Variants in CAPN11 observed in about 807,000 individuals in gnomAD.
CAPN11 encodes calpain 11, also known as calpain-11.
CAPN11 carries 108 observed loss-of-function variants against 105.3 expected under a neutral mutation model. That is an observed-to-expected ratio of 1.03 (90% confidence interval 0.88 to 1.20). The LOEUF is 1.20. Ranked by LOEUF, CAPN11 falls within the 50% of genes most tolerant of loss-of-function variation. The pLI is 0.00. For missense variants in CAPN11, 883 were observed against 924.8 expected, an observed-to-expected ratio of 0.95 and a Z score of 0.59; for synonymous variants, 329 against 344.5, an observed-to-expected ratio of 0.96 and a Z score of 0.50.
rs191073378 is a variant in CAPN11, at chr6:44,176,491, A to C, written c.1002-90A>C. 12,003 of 1,357,202 alleles carry C rather than the reference A, an allele frequency of 8.8e-3. 108 individuals are homozygous for C. The highest frequency in any genetic ancestry group is 0.029 in the Admixed American group (1,694 of 57,674). The allele number at this position is 1,357,202 out of a possible 1,614,324, so 84.1% of individuals were successfully genotyped here. ...CATCTAGCTCCGCACCCCAGCAGGC[A>C]GACATTCAGGGAAGAGGCAGTCCCC... On this transcript the variant is annotated intron_variant, in intron 9 of 22. Coordinates refer to ENST00000398776, the MANE Select transcript of CAPN11 (RefSeq NM_007058.4).
chr6:44,170,107 C>G, intron 4 of CAPN11, 132 bp downstream of exon 4: 2 of 690,990 alleles, frequency 2.9e-6, no homozygotes, highest in South Asian at 1.7e-5. Flanking sequence ...CTGTCCCTCC[C>G]CTTCTGAGGA....
chr6:44,181,837 C>CAG (rs1773585631), intron 19 of CAPN11, among the ~76,000 whole-genome samples: 1 of 65,242 alleles, frequency 1.5e-5, no homozygotes, highest in Admixed American at 1.5e-4. Flanking sequence ...CACACACACA[C>CAG]ACTCACATAC....
intron 19 of CAPN11, among the ~76,000 whole-genome samples, 173 bp downstream of exon 19, chr6:44,181,493 CA>C (rs1773271385): frequency 1.9e-5 from 1 of 51,958 alleles, no homozygotes; most frequent in Non-Finnish European, 3.9e-5. Context: ...AACCACACCA[CA>C]CACACACACA....
chr6:44,177,040 A>G (rs770367858), intron 11 of CAPN11, 42 bp downstream of exon 11: 3 of 1,595,884 alleles, frequency 1.9e-6, no homozygotes, highest in Non-Finnish European at 2.6e-6. Context: ...CAGGGAGTGA[A>G]GGATGGGCCA....
intron 2 of CAPN11, 67 bp from the exon 3 acceptor site, chr6:44,169,214 G>A: frequency 5.4e-6 from 8 of 1,482,698 alleles, no homozygotes; most frequent in Non-Finnish European, 6.3e-6. Flanking sequence ...GATTACAGGA[G>A]TGAACCACTG....
intron 1 of CAPN11, among the ~76,000 whole-genome samples, chr6:44,163,256 C>T (rs1769222671): frequency 6.6e-6 from 1 of 152,228 alleles, no homozygotes; most frequent in Admixed American, 6.5e-5. Context: ...CAGCCCAGGG[C>T]ATTAGCTCTG....
chr6:44,172,188 G>A (rs1362195561), intron 4 of CAPN11, 114 bp from the exon 5 acceptor site: 3 of 603,506 alleles, frequency 5.0e-6, no homozygotes, highest in Non-Finnish European at 8.5e-6. Flanking sequence ...CTCCGCCGGG[G>A]GGGTGAGAAT....
chr6:44,164,925 T>C (rs1769543852), intron 1 of CAPN11, among the ~76,000 whole-genome samples: 1 of 152,212 alleles, frequency 6.6e-6, no homozygotes, highest in African/African-American at 2.4e-5. Flanking sequence ...TCTTACTCTC[T>C]GCCACCCAGG....
intron 21 of CAPN11, 54 bp from the exon 22 acceptor site, chr6:44,183,651 T>G: frequency 6.4e-7 from 1 of 1,566,496 alleles, no homozygotes. Flanking sequence ...AGTGGTTCTT[T>G]CGGAACACTG....
At chr6:44,158,924 C>T in intron 1 of CAPN11, 60 bp downstream of exon 1, 2 of 1,419,152 alleles carry the variant, frequency 1.4e-6, no homozygotes, top group East Asian at 2.5e-5. Flanking sequence ...AGCCTCCCCC[C>T]AGGGGAGGAG....
intron 3 of CAPN11, 87 bp downstream of exon 3, chr6:44,169,618 A>AC (rs35219745): frequency 2.3e-6 from 3 of 1,296,502 alleles, no homozygotes; most frequent in Non-Finnish European, 3.1e-6. Flanking sequence ...TCAATCTTCA[A>AC]CCCCCCACTA....
chr6:44,180,219 C>A, intron 14 of CAPN11, 56 bp downstream of exon 14: 1 of 1,310,006 alleles, frequency 7.6e-7, no homozygotes, highest in Non-Finnish European at 1.1e-6. Context: ...TGCAGGATAT[C>A]AAGCTCAGGG....
chr6:44,166,085 G>A (rs1041168269), intron 1 of CAPN11, among the ~76,000 whole-genome samples: 2 of 152,098 alleles, frequency 1.3e-5, no homozygotes, highest in Non-Finnish European at 2.9e-5. Context: ...GGGACCAGGA[G>A]AACAGGGGTT....
chr6:44,173,897 TTCTA>T (rs1771486678), intron 7 of CAPN11, among the ~76,000 whole-genome samples: 1 of 152,196 alleles, frequency 6.6e-6, no homozygotes, highest in African/African-American at 2.4e-5. Flanking sequence ...CCTGTTTACT[TTCTA>T]TCTGGTTTTT....
intron 5 of CAPN11, 68 bp from the exon 6 acceptor site, chr6:44,172,872 G>A: frequency 6.4e-7 from 1 of 1,550,698 alleles, no homozygotes; most frequent in Non-Finnish European, 8.8e-7. Flanking sequence ...CGTGTCATCA[G>A]GTCTGGCCAC....
chr6:44,179,843 G>T, intron 13 of CAPN11, 109 bp from the exon 14 acceptor site: 4 of 944,566 alleles, frequency 4.2e-6, no homozygotes, highest in Non-Finnish European at 6.8e-6. Context: ...CAGGTCAGTT[G>T]GTGGTGGCAC....
intron 10 of CAPN11, 66 bp downstream of exon 10, chr6:44,176,721 C>T (rs1254612604): frequency 1.7e-5 from 26 of 1,561,648 alleles, no homozygotes; most frequent in South Asian, 1.1e-4. Context: ...CTCCCTGCTC[C>T]GCTCCTCTCT....
intron 1 of CAPN11, among the ~76,000 whole-genome samples, chr6:44,160,830 A>G (rs1049756403): frequency 1.3e-5 from 2 of 152,126 alleles, no homozygotes; most frequent in Non-Finnish European, 2.9e-5. Flanking sequence ...CAGAGAGACC[A>G]CATTCACATT....
chr6:44,174,826 G>A (rs139851149), intron 7 of CAPN11, among the ~76,000 whole-genome samples: 1,573 of 152,082 alleles, frequency 0.01, 30 homozygotes, highest in African/African-American at 0.035. Flanking sequence ...CACCATGTTG[G>A]CCAGACTGGT....
Sources: allele counts gnomAD v4.1 joint callset (sites outside exome capture counted in the v4.1 genomes callset), GRCh38; gene constraint gnomAD v4.1.1; transcripts MANE v1.5; gene names NCBI Gene and HGNC (gene_info 2026-07-23, HGNC 2026-07-21).